The following MEGF11 variants were observed in gnomAD, a reference collection of about 807,000 sequenced individuals.
MEGF11 encodes multiple epidermal growth factor-like domains protein 11.
Under a neutral mutation model 146.6 loss-of-function variants are expected in MEGF11, and 126 were observed. The observed-to-expected ratio is 0.86, with a 90% CI of 0.74 to 1.00. The LOEUF is 1.00. Among genes scored for constraint, MEGF11 ranks in the 50% least tolerant of loss-of-function variants. The pLI is 0.00. For synonymous variants in MEGF11, 532 were observed against 583.4 expected (o/e 0.91, Z 1.27); for missense variants, 1,509 against 1,521.2 (o/e 0.99, Z 0.13).
intron 1 of MEGF11, among the ~76,000 whole-genome samples, chr15:66,229,132 T>C (rs2091912466): frequency 6.6e-6 from 1 of 152,142 alleles, no homozygotes; most frequent in Non-Finnish European, 1.5e-5. Context: ...AGGATCCTGA[T>C]ATATCACTCA....
At chr15:65,931,932 G>A (rs2079592241) in intron 10 of MEGF11, among the ~76,000 whole-genome samples, 1 of 152,296 alleles carries the variant, frequency 6.6e-6, no homozygotes, top group Admixed American at 6.5e-5. Flanking sequence ...ACTCTGCCAA[G>A]GTCACAGAAC....
rs1332521238 is a variant in MEGF11 at position 65,970,630 on chromosome 15, A to G, written c.822T>C (p.Asp274=). 5 of 1,613,712 alleles carry G rather than the reference A, an allele frequency of 3.1e-6. No homozygotes were observed. The East Asian group carries it at 1.1e-4, about 36-fold the overall frequency. ...PGTFGQNCSQ[D]CPCHHGGQCD... is the part of the protein sequence containing the mutation. The stretch of plus-strand genomic sequence containing the variant: ...ACTGCCCTCCATGGTGGCAAGGACA[A>G]TCCTGGCTGCAGTTCTGGCCAAATG... Residue 274 remains aspartate (D), a synonymous_variant, in exon 8 of 26, where the codon GAT becomes GAC. Transcript: ENST00000395614.
At chr15:66,143,991 C>T (rs577699909) in intron 1 of MEGF11, among the ~76,000 whole-genome samples, 2 of 152,246 alleles carry the variant, frequency 1.3e-5, no homozygotes, top group South Asian at 4.1e-4. Flanking sequence ...CCAGGAGGAG[C>T]TACAAAGGCA....
In MEGF11 at chr15:65,965,607, T is replaced by C. The variant is rs1384381518; in HGVS notation, c.900-487A>G. On this transcript the variant is annotated intron_variant, in intron 8 of 25. Coordinates refer to ENST00000395614, the MANE Select transcript of MEGF11 (RefSeq NM_001385028.1). ...TTCTTTCTTTCTTTCTTTCTTTTTTTTTTTTCTTTTTTTTTTTTTTGGCTC... is the reference window on the plus strand; with the variant it reads ...TTCTTTCTTTCTTTCTTTCTTTTTTCTTTTTCTTTTTTTTTTTTTTGGCTC... Among the ~76,000 whole-genome samples, 5 of 82,750 alleles carry C rather than the reference T, an allele frequency of 6.0e-5. 1 individual carries two copies. Among genetic ancestry groups the C allele is most frequent in the Non-Finnish European group, 1.1e-4 (4 of 36,110 alleles). 54.3% of individuals were successfully genotyped at this position (82,750 alleles called of 152,430 possible). A position where few individuals can be genotyped will look rare whatever the true frequency, so the allele number is the denominator to read the frequency against.
chr15:66,224,694 A>C (rs2091813120), intron 1 of MEGF11, among the ~76,000 whole-genome samples: 2 of 146,670 alleles, frequency 1.4e-5, no homozygotes, highest in South Asian at 2.1e-4. Flanking sequence ...TATAAAGTAT[A>C]TATATTTTAT....
chr15:66,123,912 A>C lies in MEGF11; in HGVS notation c.187T>G (p.Cys63Gly). 1 of 1,613,790 alleles carries C rather than the reference A, an allele frequency of 6.2e-7. No individual in the cohort carries two copies. Among genetic ancestry groups the C allele is most frequent in the Non-Finnish European group, 8.5e-7 (1 of 1,179,698 alleles). ...RCTDILNWFK[C>G]TRHRISYKTA... ...AGAGGTACTCACCGGTGCCTGGTGC[A>C]CTTGAACCAGTTGAGGATGTCTGTG... The change falls in exon 3 of 26, where the codon TGC becomes GGC. Residue 63 changes from cysteine (C) to glycine (G), a missense_variant. Cys to Gly is a radical substitution (Grantham distance 159). Transcript: ENST00000395614.
chr15:66,186,779 C>G (rs140957869), intron 1 of MEGF11, among the ~76,000 whole-genome samples: 5 of 152,216 alleles, frequency 3.3e-5, no homozygotes, highest in African/African-American at 4.8e-5. Flanking sequence ...TTCTCTCTGT[C>G]CTGTTTGGCC....
At position 66,128,409 on chromosome 15, in the gene MEGF11, G is replaced by T; in HGVS notation, c.-6C>A. 1 of 1,473,592 alleles carries T rather than the reference G, an allele frequency of 6.8e-7. No individual in the cohort carries two copies. Among genetic ancestry groups the T allele is most frequent in the Non-Finnish European group, 9.0e-7 (1 of 1,110,412 alleles). 91.3% of individuals were successfully genotyped at this position (1,473,592 alleles called of 1,614,324 possible). A position where few individuals can be genotyped will look rare whatever the true frequency, so the allele number is the denominator to read the frequency against. Reference sequence around the variant, plus strand: ...CCCGTCAGGGAGAGCACCATCCCGGGCCCTGCACAGGAGAACAAAGGAGGC... The same window carrying T: ...CCCGTCAGGGAGAGCACCATCCCGGTCCCTGCACAGGAGAACAAAGGAGGC... On this transcript the variant is annotated splice_region_variant and 5_prime_UTR_variant, in exon 2 of 26. Coordinates refer to ENST00000395614, the MANE Select transcript of MEGF11 (RefSeq NM_001385028.1).
At chr15:65,906,064 C>T (rs2078618241) in intron 24 of MEGF11, 21 bp downstream of exon 24, 1 of 1,596,866 alleles carries the variant, frequency 6.3e-7, no homozygotes, top group East Asian at 2.2e-5. Context: ...TGTAATAAGA[C>T]AGCAGGATTG....
intron 5 of MEGF11, among the ~76,000 whole-genome samples, chr15:66,003,467 T>TA (rs888018659): frequency 9.0e-4 from 14 of 15,562 alleles, no homozygotes; most frequent in African/African-American, 1.1e-3. Context: ...GAATGGAGGG[T>TA]GGGGAGGAGA....
At chr15:66,108,616 G>A (rs542919883) in intron 4 of MEGF11, among the ~76,000 whole-genome samples, 18 of 152,288 alleles carry the variant, frequency 1.2e-4, no homozygotes, top group African/African-American at 9.6e-5. Flanking sequence ...ATCTGGTGCC[G>A]TGTGGCTATC....
At chr15:65,969,986 T>C (rs570505582) in intron 8 of MEGF11, among the ~76,000 whole-genome samples, 3 of 152,284 alleles carry the variant, frequency 2.0e-5, no homozygotes, top group African/African-American at 4.8e-5. Context: ...ATGGCCTCCT[T>C]CTTCCCGCTG....
intron 10 of MEGF11, among the ~76,000 whole-genome samples, chr15:65,939,855 T>C (rs1428627404): frequency 6.6e-6 from 1 of 152,226 alleles, no homozygotes; most frequent in Non-Finnish European, 1.5e-5. Flanking sequence ...TGCTCCTTTG[T>C]GTCACTTACC....
intron 5 of MEGF11, among the ~76,000 whole-genome samples, chr15:66,056,644 C>T (rs2084684514): frequency 6.6e-6 from 1 of 152,230 alleles, no homozygotes; most frequent in Admixed American, 6.5e-5. Flanking sequence ...GCTATAAGCA[C>T]CAATAACATA....
At chr15:66,041,532 T>TAC (rs2083978545) in intron 5 of MEGF11, among the ~76,000 whole-genome samples, 1 of 152,174 alleles carries the variant, frequency 6.6e-6, no homozygotes, top group Non-Finnish European at 1.5e-5. Context: ...TGTTCAAAGG[T>TAC]TGGCAAACTG....
rs539420226 is a variant in MEGF11, at chr15:66,014,079, G to A, written c.395-31591C>T. On this transcript the variant is annotated intron_variant, in intron 5 of 25. Transcript: ENST00000395614. Reference sequence around the variant, plus strand: ...AGAGGCCAGAGGAAACACAGAGGCCGTTAGAAGTTAGGCGATGGTCCAGGC... The same window carrying A: ...AGAGGCCAGAGGAAACACAGAGGCCATTAGAAGTTAGGCGATGGTCCAGGC... Among the ~76,000 whole-genome samples the A allele has an allele frequency of 4.8e-4, 73 of 152,326 alleles. 1 individual carries two copies. The highest frequency in any genetic ancestry group is 2.9e-3 in the South Asian group (14 of 4,830).
intron 8 of MEGF11, among the ~76,000 whole-genome samples, chr15:65,965,584 C>CTTTTTTTTTTTT: frequency 8.2e-5 from 1 of 12,180 alleles, no homozygotes; most frequent in South Asian, 3.8e-3. Context: ...TTCTTTCTTT[C>CTTTTTTTTTTTT]TTTCTTTCTT....
rs142670365 is a variant in MEGF11 at position 65,999,712 on chromosome 15, C to T, written c.395-17224G>A. Among the ~76,000 whole-genome samples, 141 of 152,250 alleles carry T rather than the reference C, an allele frequency of 9.3e-4. 1 individual carries two copies. Among genetic ancestry groups the T allele is most frequent in the African/African-American group, 3.2e-3 (132 of 41,546 alleles). ...CAAAAGTACCTTATTCAATGCCTGGCAAGAAGGAGGTGCTCGGTACTACAT... is the reference window on the plus strand; with the variant it reads ...CAAAAGTACCTTATTCAATGCCTGGTAAGAAGGAGGTGCTCGGTACTACAT... On this transcript the variant is annotated intron_variant, in intron 5 of 25. Transcript: ENST00000395614.
At chr15:66,075,812 G>T (rs973338375) in intron 5 of MEGF11, among the ~76,000 whole-genome samples, 2 of 152,184 alleles carry the variant, frequency 1.3e-5, no homozygotes, top group Non-Finnish European at 2.9e-5. Flanking sequence ...CTATGTTTAA[G>T]TCCAAATAGC....
Sources: allele counts gnomAD v4.1 joint callset (sites outside exome capture counted in the v4.1 genomes callset), GRCh38; gene constraint gnomAD v4.1.1; transcripts MANE v1.5; gene names NCBI Gene and HGNC (gene_info 2026-07-23, HGNC 2026-07-21).